CCR6: variants seen among roughly 807,000 people sequenced by gnomAD.
CCR6 encodes the protein C-C motif chemokine receptor 6.
CCR6 carries 2 observed loss-of-function variants against 3.0 expected under a neutral mutation model. The ratio of observed to expected loss-of-function variants is 0.66; its 90% CI spans 0.27 to 2.07. The LOEUF is 2.07. Ranked by LOEUF, CCR6 falls within the 30% of genes most tolerant of loss-of-function variation. The pLI is 0.14. For synonymous variants in CCR6, 193 were observed against 184.3 expected (o/e 1.05, Z -0.38); for missense variants, 322 against 462.8 (o/e 0.70, Z 2.79).
chr6:167,119,121 C>A (rs1293387667), upstream of CCR6: 1 of 152,586 alleles, frequency 6.6e-6, no homozygotes, highest in African/African-American at 2.4e-5. Flanking sequence ...CACCTCGGTG[C>A]CTTTCTGCCT....
rs2114941685 is a variant in CCR6 at position 167,137,930 on chromosome 6, A to T, written c.*575A>T. ...CCCTGTAAAATGGAGGTGGAAAGAC[A>T]AGCTCAAGTGTTCACAACCTGGAAG... On this transcript the variant is annotated 3_prime_UTR_variant, in exon 3 of 3. Transcript: ENST00000341935. The surrounding 1 kb of genome is among the most constrained non-coding windows in gnomAD (Gnocchi z 4.6). 1 of 154,008 alleles carries T rather than the reference A, an allele frequency of 6.5e-6. No homozygotes were observed. 9.5% of individuals were successfully genotyped at this position (154,008 alleles called of 1,614,324 possible). A position where few individuals can be genotyped will look rare whatever the true frequency, so the allele number is the denominator to read the frequency against.
chr6:167,139,079 A>T lies in CCR6; in HGVS notation c.*1724A>T, dbSNP rs766784882. 15 of 152,472 alleles carry T rather than the reference A, an allele frequency of 9.8e-5. No homozygotes were observed. The highest frequency in any genetic ancestry group is 2.1e-4 in the Non-Finnish European group (14 of 68,032). 9.4% of individuals were successfully genotyped at this position (152,472 alleles called of 1,614,324 possible). A position where few individuals can be genotyped will look rare whatever the true frequency, so the allele number is the denominator to read the frequency against. On this transcript the variant is annotated 3_prime_UTR_variant, in exon 3 of 3. Transcript: ENST00000341935. ...ATGCAAAATAATGTCTTAAGATTCA[A>T]AGTCTGTATTTTTAAAGCATGGCTT...
chr6:167,122,741 G>C (rs1445010693), upstream of CCR6: 1 of 152,360 alleles, frequency 6.6e-6, no homozygotes, highest in Non-Finnish European at 1.5e-5. The surrounding 1 kb of genome is among the most constrained non-coding windows in gnomAD (Gnocchi z 4.2). Flanking sequence ...AGTGCTCCCG[G>C]CCCATGTCTT....
intron 1 of CCR6, among the ~76,000 whole-genome samples, chr6:167,112,401 C>T (rs1781429297): frequency 6.6e-6 from 1 of 152,204 alleles, no homozygotes; most frequent in Non-Finnish European, 1.5e-5. Context: ...CTCACAAAGA[C>T]ATTCCATACC....
upstream of CCR6, chr6:167,119,453 C>G (rs1781553333): frequency 6.6e-6 from 1 of 152,224 alleles, no homozygotes; most frequent in South Asian, 2.1e-4. Context: ...ATTTCTGTAG[C>G]TTGTGTGCTG....
At position 167,136,263 on chromosome 6, in the gene CCR6, T is replaced by A. The variant is rs753843727; in HGVS notation, c.33T>A (p.Val11=). The A allele has an allele frequency of 2.5e-6, 4 of 1,607,802 alleles. No homozygotes were observed. Among genetic ancestry groups the A allele is most frequent in the Non-Finnish European group, 3.4e-6 (4 of 1,176,068 alleles). MSGESMNFSD[V]FDSSEDYFVS... is the part of the protein sequence containing the mutation. ...AGGAATCAATGAATTTCAGCGATGT[T>A]TTCGACTCCAGTGAAGATTATTTTG... is the stretch of plus-strand genomic sequence containing the variant. The change falls in exon 3 of 3, where the codon GTT becomes GTA. Residue 11 remains valine, a synonymous_variant. Coordinates refer to ENST00000341935, the MANE Select transcript of CCR6 (RefSeq NM_031409.4). This position sits in a 1 kb window ranked among gnomAD's most constrained non-coding sequence, Gnocchi z 4.6.
upstream of CCR6, among the ~76,000 whole-genome samples, chr6:167,117,780 C>T (rs190524345): frequency 2.0e-3 from 299 of 152,224 alleles, 1 homozygote; most frequent in African/African-American, 6.9e-3. Context: ...TCTCTATTCC[C>T]TCAATGTATT....
intron 1 of CCR6, chr6:167,129,582 C>T (rs914655518): frequency 1.3e-5 from 2 of 151,930 alleles, no homozygotes; most frequent in Non-Finnish European, 2.9e-5. Context: ...CTGCAACATT[C>T]CCTGAATATT....
At chr6:167,114,292 T>A (rs1337460217) in intron 1 of CCR6, among the ~76,000 whole-genome samples, 1 of 152,066 alleles carries the variant, frequency 6.6e-6, no homozygotes, top group African/African-American at 2.4e-5. Context: ...GTGGAGATGG[T>A]GGTTTGATGG....
intron 1 of CCR6, among the ~76,000 whole-genome samples, chr6:167,126,959 T>C (rs1313428134): frequency 6.6e-6 from 1 of 152,192 alleles, no homozygotes; most frequent in African/African-American, 2.4e-5. Context: ...TCCCCAGCCA[T>C]GCTGAACTGA....
At chr6:167,128,009 G>A (rs1781696889) in intron 1 of CCR6, among the ~76,000 whole-genome samples, 1 of 152,284 alleles carries the variant, frequency 6.6e-6, no homozygotes, top group African/African-American at 2.4e-5. Context: ...TCGGCTTGTG[G>A]CCCCCTCTTC....
At chr6:167,119,569 G>A (rs541733248), upstream of CCR6, among the ~76,000 whole-genome samples, 2 of 152,240 alleles carry the variant, frequency 1.3e-5, no homozygotes, top group South Asian at 4.2e-4. Flanking sequence ...TACTTTATGG[G>A]GTAGAATAAC....
chr6:167,137,425 G>C lies in CCR6; in HGVS notation c.*70G>C. On this transcript the variant is annotated 3_prime_UTR_variant, in exon 3 of 3. Coordinates refer to ENST00000341935, the MANE Select transcript of CCR6 (RefSeq NM_031409.4). The surrounding 1 kb of genome is among the most constrained non-coding windows in gnomAD (Gnocchi z 4.6). Reference sequence around the variant, plus strand: ...GATGTTATGCAAAAAAAAGTCTATGGCCAGGTATGCATGGAAAATGTGGGA... The same window carrying C: ...GATGTTATGCAAAAAAAAGTCTATGCCCAGGTATGCATGGAAAATGTGGGA... 6.9e-7 allele frequency: 1 copy of C among 1,445,074 alleles called. No homozygotes were observed. Among genetic ancestry groups the C allele is most frequent in the Non-Finnish European group, 9.3e-7 (1 of 1,071,094 alleles). The allele number at this position is 1,445,074 out of a possible 1,614,324, so 89.5% of individuals were successfully genotyped here.
At chr6:167,132,031 C>T (rs1022089558) in intron 1 of CCR6, among the ~76,000 whole-genome samples, 60 of 152,254 alleles carry the variant, frequency 3.9e-4, no homozygotes, top group African/African-American at 1.4e-3. Context: ...GATTTCATTC[C>T]TGCCACTGTT....
chr6:167,122,435 G>A (rs2049890438), upstream of CCR6, among the ~76,000 whole-genome samples: 1 of 152,218 alleles, frequency 6.6e-6, no homozygotes, highest in Non-Finnish European at 1.5e-5. The surrounding 1 kb of genome is among the most constrained non-coding windows in gnomAD (Gnocchi z 4.2). Flanking sequence ...TCGTCACCCA[G>A]AGATTCTGTC....
In CCR6 at chr6:167,123,142, G is replaced by T. The variant is rs945686916; in HGVS notation, c.-179G>T. The stretch of plus-strand genomic sequence containing the variant: ...AGAAGCTGCATCTTATTGACAGATG[G>T]TCATCACATTGGTGAGCTGGAGTCA... On this transcript the variant is annotated 5_prime_UTR_variant, in exon 1 of 3. Transcript: ENST00000341935. The T allele has an allele frequency of 6.5e-6, 1 of 152,748 alleles. No homozygotes were observed. The highest frequency in any genetic ancestry group is 6.5e-5 in the Admixed American group (1 of 15,282). 9.5% of individuals were successfully genotyped at this position (152,748 alleles called of 1,614,324 possible).
chr6:167,113,015 T>C (rs995353515), intron 1 of CCR6, among the ~76,000 whole-genome samples: 16 of 151,868 alleles, frequency 1.1e-4, no homozygotes, highest in African/African-American at 3.9e-4. Context: ...ATTCCATTTG[T>C]ATAACAATCT....
intron 1 of CCR6, among the ~76,000 whole-genome samples, chr6:167,134,107 C>T (rs996628434): frequency 1.7e-4 from 26 of 151,848 alleles, no homozygotes; most frequent in African/African-American, 6.3e-4. Context: ...TATTTGTTCT[C>T]CTCCTGCCAG....
chr6:167,125,113 C>A (rs1781651329), intron 1 of CCR6, among the ~76,000 whole-genome samples: 1 of 152,042 alleles, frequency 6.6e-6, no homozygotes, highest in Non-Finnish European at 1.5e-5. Flanking sequence ...CACACACCGA[C>A]ATATGCACAC....
Sources: gnomAD v4.1 joint callset for allele counts (sites outside exome capture counted in the v4.1 genomes callset) on GRCh38, gnomAD v4.1.1 for gene constraint, Gnocchi (gnomAD v3.1) non-coding constraint, MANE v1.5 for transcripts, NCBI Gene and HGNC (gene_info 2026-07-23, HGNC 2026-07-21) for gene names.